SYT16: variants seen among roughly 807,000 people sequenced by gnomAD.
SYT16 encodes the protein synaptotagmin-16.
Under a neutral mutation model 61.4 loss-of-function variants are expected in SYT16, and 42 were observed. That is an observed-to-expected ratio of 0.68 (90% confidence interval 0.53 to 0.89). The LOEUF (loss-of-function observed/expected upper bound fraction) is 0.89, where lower values mean the gene tolerates loss of function less well. Ranked by LOEUF, SYT16 falls within the 40% of genes least tolerant of loss-of-function variation. The pLI, the probability that SYT16 is intolerant of heterozygous loss-of-function variation, is 0.00. For missense variants in SYT16, 804 were observed against 807.3 expected (o/e 1.00, Z 0.05); for synonymous variants, 314 against 302.3 (o/e 1.04, Z -0.40).
chr14:62,029,748 C>T (rs894880491), intron 3 of SYT16, among the ~76,000 whole-genome samples: 1 of 151,656 alleles, frequency 6.6e-6, no homozygotes, highest in African/African-American at 2.4e-5. Context: ...GTCGCTCACC[C>T]TCTGACCTCG....
intron 3 of SYT16, among the ~76,000 whole-genome samples, chr14:62,029,505 T>C (rs2054229142): frequency 2.0e-5 from 3 of 152,212 alleles, no homozygotes; most frequent in South Asian, 4.1e-4. Context: ...ATGGAGATCA[T>C]TTGGAACTCT....
At chr14:62,071,374 C>G (rs1231151546) in intron 4 of SYT16, among the ~76,000 whole-genome samples, 1 of 152,212 alleles carries the variant, frequency 6.6e-6, no homozygotes, top group African/African-American at 2.4e-5. Flanking sequence ...TCTGAGAGTT[C>G]TGACAACCAT....
At chr14:62,018,769 T>C (rs1384074292) in intron 3 of SYT16, among the ~76,000 whole-genome samples, 1 of 152,184 alleles carries the variant, frequency 6.6e-6, no homozygotes, top group Non-Finnish European at 1.5e-5. Flanking sequence ...TACATGAATG[T>C]AAACGGTACC....
At chr14:62,112,742 G>A (rs1381814001), downstream of SYT16, among the ~76,000 whole-genome samples, 1 of 152,116 alleles carries the variant, frequency 6.6e-6, no homozygotes, top group Non-Finnish European at 1.5e-5. Context: ...AGTTTATTTG[G>A]TTTCAGGGTG....
intron 3 of SYT16, among the ~76,000 whole-genome samples, chr14:62,069,192 A>G (rs1595339499): frequency 3.9e-5 from 6 of 152,346 alleles, no homozygotes; most frequent in Admixed American, 3.9e-4. Flanking sequence ...GTTTTAATAA[A>G]TGAGATTAGA....
intron 1 of SYT16, among the ~76,000 whole-genome samples, chr14:61,924,524 C>G (rs1181039702): frequency 6.6e-6 from 1 of 152,122 alleles, no homozygotes; most frequent in Non-Finnish European, 1.5e-5. Context: ...AAATCAATTA[C>G]CTGAATGAAA....
chr14:61,949,361 T>G (rs1382129676), intron 1 of SYT16, among the ~76,000 whole-genome samples: 1 of 152,382 alleles, frequency 6.6e-6, no homozygotes, highest in South Asian at 2.1e-4. Context: ...CCTTTCAGCC[T>G]GTGGCTGTTT....
chr14:61,981,835 G>T (rs886496076), intron 2 of SYT16, among the ~76,000 whole-genome samples: 3 of 152,134 alleles, frequency 2.0e-5, no homozygotes, highest in African/African-American at 7.2e-5. Context: ...TTACATAAGG[G>T]TGCATGGTGA....
intron 7 of SYT16, among the ~76,000 whole-genome samples, chr14:62,097,228 G>A (rs952395791): frequency 2.6e-5 from 4 of 152,094 alleles, no homozygotes; most frequent in Non-Finnish European, 5.9e-5. Context: ...AAAAAGGGAA[G>A]TGACTAGTAA....
intron 1 of SYT16, among the ~76,000 whole-genome samples, chr14:61,928,908 G>A (rs1299475254): frequency 1.3e-5 from 2 of 152,224 alleles, no homozygotes; most frequent in Admixed American, 1.3e-4. Flanking sequence ...AGGTGATTTA[G>A]TAGGCACAAG....
At chr14:61,972,795 C>G (rs2784507) in intron 2 of SYT16, among the ~76,000 whole-genome samples, 115,623 of 152,150 alleles carry the variant, frequency 0.76, 44,538 homozygotes, top group African/African-American at 0.88. Flanking sequence ...ACAGAGCTTA[C>G]TTTTGCCACT....
At chr14:61,930,807 G>C (rs569224123) in intron 1 of SYT16, among the ~76,000 whole-genome samples, 68 of 152,190 alleles carry the variant, frequency 4.5e-4, no homozygotes, top group African/African-American at 1.2e-3. Flanking sequence ...AACTCCACTA[G>C]CTGTTGCTGC....
At chr14:61,854,059 C>T (rs930209208) in intron 1 of SYT16, among the ~76,000 whole-genome samples, 1 of 151,928 alleles carries the variant, frequency 6.6e-6, no homozygotes, top group Non-Finnish European at 1.5e-5. Context: ...TTGCTTTAGC[C>T]TATATATATT....
At chr14:62,050,662 C>T (rs1479588153) in intron 3 of SYT16, among the ~76,000 whole-genome samples, 1 of 152,104 alleles carries the variant, frequency 6.6e-6, no homozygotes, top group Non-Finnish European at 1.5e-5. Flanking sequence ...TGTGAATGTC[C>T]TTTCTGTTTG....
At chr14:61,816,618 G>A (rs1158199615) in intron 1 of SYT16, among the ~76,000 whole-genome samples, 3 of 152,110 alleles carry the variant, frequency 2.0e-5, no homozygotes, top group Non-Finnish European at 4.4e-5. Flanking sequence ...AATTTTAAGA[G>A]GAACAGAATT....
intron 1 of SYT16, among the ~76,000 whole-genome samples, chr14:61,825,895 G>A (rs2045756950): frequency 6.6e-6 from 1 of 152,142 alleles, no homozygotes. Context: ...TTATAGTGTG[G>A]TGGACCAAAT....
At chr14:62,056,390 A>T (rs948225479) in intron 3 of SYT16, among the ~76,000 whole-genome samples, 67 of 152,196 alleles carry the variant, frequency 4.4e-4, no homozygotes, top group African/African-American at 1.6e-3. Context: ...GACCTGGGCA[A>T]AAAAGGGTTT....
At chr14:61,853,000 C>A (rs1029544858) in intron 1 of SYT16, among the ~76,000 whole-genome samples, 3 of 152,108 alleles carry the variant, frequency 2.0e-5, no homozygotes, top group Non-Finnish European at 2.9e-5. Context: ...CTTACTGCAA[C>A]CTCCACCTCC....
At chr14:61,830,002 C>T (rs2045889625) in intron 1 of SYT16, among the ~76,000 whole-genome samples, 1 of 152,054 alleles carries the variant, frequency 6.6e-6, no homozygotes, top group African/African-American at 2.4e-5. Context: ...TGTCAATTCT[C>T]TTCTGCCACT....
Sources: allele counts gnomAD v4.1 joint callset (sites outside exome capture counted in the v4.1 genomes callset), GRCh38; gene constraint gnomAD v4.1.1; transcripts MANE v1.5; gene names NCBI Gene and HGNC (gene_info 2026-07-23, HGNC 2026-07-21).